FBXO39: variants seen among roughly 807,000 people sequenced by gnomAD.
FBXO39 encodes the protein F-box protein 39, also known as F-box only protein 39.
Under a neutral mutation model 36.6 loss-of-function variants are expected in FBXO39, and 22 were observed. The observed-to-expected ratio is 0.60, with a 90% CI of 0.43 to 0.86. The LOEUF (loss-of-function observed/expected upper bound fraction) is 0.86. FBXO39 is among the 40% of genes least tolerant of loss of function. The pLI is 0.00. For missense variants in FBXO39, 536 were observed against 543.9 expected, an observed-to-expected ratio of 0.99 and a Z score of 0.14; for synonymous variants, 206 against 205.8, an observed-to-expected ratio of 1.00 and a Z score of -0.01.
At chr17:6,779,493 C>G (rs548591203) in intron 1 of FBXO39, among the ~76,000 whole-genome samples, 1 of 152,204 alleles carries the variant, frequency 6.6e-6, no homozygotes, top group Admixed American at 6.5e-5. Flanking sequence ...GCAGCCCTCT[C>G]TACTTCCAAA....
At position 6,779,857 on chromosome 17, in the gene FBXO39, C is replaced by T. The variant is rs1404408918; in HGVS notation, c.-12C>T. ...CCTAACACACAGCTGCACTGTACAT[C>T]CCAGTTCCTGGATGGACGAAGAAAG... On this transcript the variant is annotated 5_prime_UTR_variant, in exon 2 of 4. Coordinates refer to ENST00000321535, the MANE Select transcript of FBXO39 (RefSeq NM_153230.3). The T allele has an allele frequency of 1.2e-6, 2 of 1,613,184 alleles. No individual in the cohort carries two copies. Among genetic ancestry groups the T allele is most frequent in the African/African-American group, 1.3e-5 (1 of 75,054 alleles).
rs774846163 is a variant in FBXO39, at chr17:6,787,458, A to G, written c.*30A>G. On this transcript the variant is annotated 3_prime_UTR_variant, in exon 4 of 4. Coordinates refer to ENST00000321535, the MANE Select transcript of FBXO39 (RefSeq NM_153230.3). ...CACTCTACAGATGAAGAAAGCTGGG[A>G]GCACTTTGAACTTGAAAATCATTTC... 1.9e-6 allele frequency: 3 copies of G among 1,611,802 alleles called. No homozygotes were observed. The South Asian group carries it at 3.3e-5, about 18-fold the overall frequency.
In FBXO39 at chr17:6,787,310, A is replaced by G; in HGVS notation, c.1211A>G (p.Tyr404Cys). ...TCTCTGTTGGCACAGGCGAGAATTT[A>G]TACAAACAGATATGAGACGAATGAA... is the stretch of plus-strand genomic sequence containing the variant. The part of the protein sequence containing the change: ...CALRVFKARI[Y>C]TNRYETNEED... The change falls in exon 4 of 4, where the codon TAT becomes TGT. Residue 404 changes from tyrosine (Y) to cysteine (C), a missense_variant. Coordinates refer to ENST00000321535, the MANE Select transcript of FBXO39 (RefSeq NM_153230.3). The G allele has an allele frequency of 6.2e-7, 1 of 1,613,872 alleles. No homozygotes were observed. The highest frequency in any genetic ancestry group is 8.5e-7 in the Non-Finnish European group (1 of 1,179,900).
intron 1 of FBXO39, among the ~76,000 whole-genome samples, chr17:6,778,456 G>A (rs73359411): frequency 0.18 from 26,686 of 152,122 alleles, 2,648 homozygotes; most frequent in African/African-American, 0.25. Context: ...AAAAGCCCAA[G>A]TTCCAGTCTG....
At chr17:6,783,888 G>A (rs957420183) in intron 2 of FBXO39, among the ~76,000 whole-genome samples, 3 of 152,042 alleles carry the variant, frequency 2.0e-5, no homozygotes, top group Admixed American at 6.6e-5. Context: ...TAGAAGCAGA[G>A]GGAATAATTC....
At position 6,780,261 on chromosome 17, in the gene FBXO39, C is replaced by G; in HGVS notation, c.393C>G (p.Ile131Met). The G allele has an allele frequency of 6.2e-7, 1 of 1,614,110 alleles. No homozygotes were observed. The highest frequency in any genetic ancestry group is 1.1e-5 in the South Asian group (1 of 91,078). ...ACAACCGTCTGAAATCTCTTTCCAT[C>G]CAATACCTGGAGCTGGACCGCCTGG... ...KSNNRLKSLS[I>M]QYLELDRLVW... is the part of the protein sequence containing the mutation. The change falls in exon 2 of 4, where the codon ATC (isoleucine) becomes ATG (methionine). Residue 131 changes from isoleucine (I) to methionine (M), a missense_variant. Physicochemically the swap from Ile to Met is conservative, Grantham distance 10 (BLOSUM62 1). Transcript: ENST00000321535.
At chr17:6,777,570 T>C (rs902066099) in intron 1 of FBXO39, among the ~76,000 whole-genome samples, 1 of 152,234 alleles carries the variant, frequency 6.6e-6, no homozygotes, top group African/African-American at 2.4e-5. Flanking sequence ...CTGGTTTATC[T>C]CTTCTGCAGC....
chr17:6,783,978 G>A (rs1227270067), intron 2 of FBXO39, among the ~76,000 whole-genome samples: 1 of 151,960 alleles, frequency 6.6e-6, no homozygotes, highest in Non-Finnish European at 1.5e-5. Context: ...AACTATAGGT[G>A]AATATTCCTA....
chr17:6,787,469 C>A lies in FBXO39; in HGVS notation c.*41C>A, dbSNP rs1230885135. On this transcript the variant is annotated 3_prime_UTR_variant, in exon 4 of 4. Coordinates refer to ENST00000321535, the MANE Select transcript of FBXO39 (RefSeq NM_153230.3). ...TGAAGAAAGCTGGGAGCACTTTGAA[C>A]TTGAAAATCATTTCTCTTAGAACTA... 3.1e-6 allele frequency: 5 copies of A among 1,608,776 alleles called. No individual in the cohort carries two copies. The highest frequency in any genetic ancestry group is 4.2e-6 in the Non-Finnish European group (5 of 1,176,860).
At chr17:6,776,317 C>G (rs887359561) in intron 1 of FBXO39, 45 bp downstream of exon 1, 1 of 152,286 alleles carries the variant, frequency 6.6e-6, no homozygotes, top group African/African-American at 2.4e-5. Context: ...GTTCAGCGAA[C>G]GGGTAACGGG....
At chr17:6,781,662 C>T (rs1976510271) in intron 2 of FBXO39, among the ~76,000 whole-genome samples, 1 of 152,108 alleles carries the variant, frequency 6.6e-6, no homozygotes, top group African/African-American at 2.4e-5. Context: ...CCAGCCAGTC[C>T]ACTGCAGGGC....
chr17:6,777,826 C>A (rs1276250835), intron 1 of FBXO39, among the ~76,000 whole-genome samples: 1 of 152,186 alleles, frequency 6.6e-6, no homozygotes, highest in East Asian at 1.9e-4. Context: ...CACAGCCATG[C>A]TGGGAACCAC....
chr17:6,782,856 G>A (rs1976525866), intron 2 of FBXO39, among the ~76,000 whole-genome samples: 1 of 152,038 alleles, frequency 6.6e-6, no homozygotes, highest in Admixed American at 6.5e-5. Context: ...TCTGTATTGG[G>A]TAGATCTTCA....
At chr17:6,776,933 G>A (rs1976426874) in intron 1 of FBXO39, among the ~76,000 whole-genome samples, 1 of 151,966 alleles carries the variant, frequency 6.6e-6, no homozygotes, top group African/African-American at 2.4e-5. Flanking sequence ...CGGGGGGTAA[G>A]GGGAGGCTCC....
chr17:6,786,331 C>T (rs6502983), intron 2 of FBXO39, among the ~76,000 whole-genome samples: 89,926 of 151,954 alleles, frequency 0.59, 27,455 homozygotes, highest in African/African-American at 0.76. Context: ...AGTAGAAGGA[C>T]GCTTACCAGA....
Position 6,783,041 on chromosome 17 carries a change from C to T in FBXO39, c.1023+2150C>T, listed in dbSNP as rs114078439. On this transcript the variant is annotated intron_variant, in intron 2 of 3. Transcript: ENST00000321535. The stretch of plus-strand genomic sequence containing the variant: ...GTTAGGTCACAAAAAAGTCTTAAAA[C>T]AGTCAAAAAATTGAAATTATAGCAA... Among the ~76,000 whole-genome samples, 1,091 of 152,138 alleles carry T rather than the reference C, an allele frequency of 7.2e-3. 10 individuals carry two copies. Among genetic ancestry groups the T allele is most frequent in the African/African-American group, 0.025 (1,031 of 41,542 alleles).
chr17:6,781,393 TCA>T (rs2151573792), intron 2 of FBXO39, among the ~76,000 whole-genome samples: 1 of 152,164 alleles, frequency 6.6e-6, no homozygotes, highest in East Asian at 1.9e-4. Context: ...ACCGAAGAGC[TCA>T]GAGTTTCTGG....
intron 1 of FBXO39, among the ~76,000 whole-genome samples, chr17:6,777,988 G>A (rs1976454506): frequency 6.6e-6 from 1 of 152,106 alleles, no homozygotes; most frequent in African/African-American, 2.4e-5. Context: ...ACAAAGCCTG[G>A]AGAAGGTCCC....
chr17:6,786,800 C>T lies in FBXO39; in HGVS notation c.1044C>T (p.Asn348=), dbSNP rs1171873020. The part of the protein sequence containing the change: ...HTLQKLTCEF[N]NNHESLDEEL... ...TCCAGAAATTAACTTGTGAATTCAA[C>T]AACAACCATGAGTCACTCGACGAGG... Residue 348 remains asparagine (N), a synonymous_variant, in exon 3 of 4, where the codon AAC becomes AAT. Coordinates refer to ENST00000321535, the MANE Select transcript of FBXO39 (RefSeq NM_153230.3). The T allele has an allele frequency of 6.2e-7, 1 of 1,608,092 alleles. No individual in the cohort carries two copies. The highest frequency in any genetic ancestry group is 1.3e-5 in the African/African-American group (1 of 74,670).
Sources: allele counts gnomAD v4.1 joint callset (sites outside exome capture counted in the v4.1 genomes callset), GRCh38; gene constraint gnomAD v4.1.1; transcripts MANE v1.5; gene names NCBI Gene and HGNC (gene_info 2026-07-23, HGNC 2026-07-21).